Variants in AKNAD1 observed in about 807,000 individuals in gnomAD.
AKNAD1 encodes the protein protein AKNAD1.
A neutral mutation model predicts 90.8 loss-of-function variants in AKNAD1; 67 were observed. The ratio of observed to expected loss-of-function variants is 0.74; its 90% CI spans 0.61 to 0.90. The LOEUF is 0.90. AKNAD1 is among the 40% of genes least tolerant of loss of function. The pLI is 0.00. For missense variants in AKNAD1, 957 were observed against 975.4 expected, an observed-to-expected ratio of 0.98 and a Z score of 0.25; for synonymous variants, 327 against 341.4, an observed-to-expected ratio of 0.96 and a Z score of 0.46.
intron 9 of AKNAD1, 92 bp from the exon 10 acceptor site, chr1:108,830,742 G>A (rs982576762): frequency 3.3e-5 from 42 of 1,258,382 alleles, no homozygotes; most frequent in African/African-American, 1.6e-4. Flanking sequence ...GCTGAGGTCC[G>A]GCTGAACTTG....
At chr1:108,816,387 A>T in intron 15 of AKNAD1, 85 bp from the exon 16 acceptor site, 1 of 1,429,688 alleles carries the variant, frequency 7.0e-7, no homozygotes, top group Non-Finnish European at 9.4e-7. Context: ...TAAACATTAC[A>T]AGGTGGAATT....
intron 10 of AKNAD1, among the ~76,000 whole-genome samples, chr1:108,828,087 AAAACAAACAAAC>A (rs71069603): frequency 0.013 from 1,891 of 148,898 alleles, 31 homozygotes; most frequent in South Asian, 0.033. Context: ...CCTCATCTCA[AAAACAAACAAAC>A]AAACAAACAA....
chr1:108,849,629 C>T (rs1664794008), intron 2 of AKNAD1, 53 bp from the exon 3 acceptor site: 1 of 1,283,056 alleles, frequency 7.8e-7, no homozygotes, highest in Non-Finnish European at 1.1e-6. Flanking sequence ...TCAATGACAC[C>T]ACCGTTCAGA....
chr1:108,817,375 A>G, intron 14 of AKNAD1, 198 bp from the exon 15 acceptor site: 1 of 475,902 alleles, frequency 2.1e-6, no homozygotes, highest in East Asian at 3.5e-5. Context: ...TGCCATGACC[A>G]TGCGGGTGTT....
intron 6 of AKNAD1, among the ~76,000 whole-genome samples, chr1:108,839,471 T>TA (rs3044857): frequency 3.1e-4 from 39 of 126,076 alleles, no homozygotes; most frequent in African/African-American, 5.1e-4. Flanking sequence ...TCCGTCTCAA[T>TA]AAAAAAAAAA....
At chr1:108,822,425 T>C (rs1663846430) in intron 13 of AKNAD1, among the ~76,000 whole-genome samples, 1 of 152,236 alleles carries the variant, frequency 6.6e-6, no homozygotes, top group Non-Finnish European at 1.5e-5. Context: ...TCACAGGCTG[T>C]AGACCTCAAA....
chr1:108,825,021 G>A (rs1379498145), intron 11 of AKNAD1, among the ~76,000 whole-genome samples: 1 of 151,626 alleles, frequency 6.6e-6, no homozygotes, highest in Non-Finnish European at 1.5e-5. Flanking sequence ...CTTGCTCTGG[G>A]GGAAGCTGGC....
At chr1:108,840,544 A>T (rs946951612) in intron 6 of AKNAD1, among the ~76,000 whole-genome samples, 2 of 152,232 alleles carry the variant, frequency 1.3e-5, no homozygotes, top group African/African-American at 4.8e-5. Context: ...TATTAGTAAC[A>T]TGAGTGTATA....
chr1:108,840,999 C>T (rs975597451), intron 6 of AKNAD1, among the ~76,000 whole-genome samples: 2 of 151,918 alleles, frequency 1.3e-5, no homozygotes, highest in Non-Finnish European at 2.9e-5. Context: ...GGTGAAACCC[C>T]GTCTTTACTA....
chr1:108,818,756 A>G (rs528098320), intron 14 of AKNAD1, among the ~76,000 whole-genome samples: 1 of 152,102 alleles, frequency 6.6e-6, no homozygotes, highest in South Asian at 2.1e-4. Context: ...TGAGGTCAAG[A>G]GTTGGAGCCC....
intron 9 of AKNAD1, among the ~76,000 whole-genome samples, chr1:108,833,997 C>A (rs1261734234): frequency 6.6e-6 from 1 of 152,036 alleles, no homozygotes; most frequent in African/African-American, 2.4e-5. Context: ...AATATAATAT[C>A]ATTTAAGACC....
chr1:108,842,868 A>G (rs1458393497), intron 6 of AKNAD1, among the ~76,000 whole-genome samples: 2 of 152,072 alleles, frequency 1.3e-5, no homozygotes, highest in Admixed American at 1.3e-4. Context: ...ACAAATTGCA[A>G]AATTTTGGTA....
chr1:108,824,132 C>A (rs985753742), intron 11 of AKNAD1, among the ~76,000 whole-genome samples: 1 of 152,228 alleles, frequency 6.6e-6, no homozygotes, highest in African/African-American at 2.4e-5. Context: ...TTCTATGTGA[C>A]ATTCATAAGC....
chr1:108,824,812 G>A (rs1342735945), intron 11 of AKNAD1, among the ~76,000 whole-genome samples: 1 of 151,452 alleles, frequency 6.6e-6, no homozygotes, highest in Non-Finnish European at 1.5e-5. Flanking sequence ...CCAAAGTGCT[G>A]GGATTACAGA....
chr1:108,834,885 T>C, intron 8 of AKNAD1, 44 bp downstream of exon 8: 1 of 1,499,636 alleles, frequency 6.7e-7, no homozygotes, highest in Non-Finnish European at 8.8e-7. Flanking sequence ...AAGGGGCCTC[T>C]TTCTGTGTCC....
intron 3 of AKNAD1, 130 bp downstream of exon 3, chr1:108,849,407 A>T (rs1458931774): frequency 3.1e-6 from 2 of 637,726 alleles, no homozygotes; most frequent in East Asian, 5.6e-5. Flanking sequence ...TGAGCCCCAG[A>T]GGTCAAGGCT....
chr1:108,856,190 A>G (rs1665032681), intron 1 of AKNAD1, among the ~76,000 whole-genome samples: 2 of 152,048 alleles, frequency 1.3e-5, no homozygotes, highest in South Asian at 4.1e-4. Flanking sequence ...AGAATGGAAG[A>G]AGAAGAAAAC....
chr1:108,832,519 C>T (rs1055461182), intron 9 of AKNAD1, among the ~76,000 whole-genome samples: 1 of 152,190 alleles, frequency 6.6e-6, no homozygotes, highest in Non-Finnish European at 1.5e-5. Flanking sequence ...GCCACTGCAC[C>T]CGGCCAGTAT....
intron 14 of AKNAD1, among the ~76,000 whole-genome samples, chr1:108,819,869 C>G (rs1663755801): frequency 6.9e-6 from 1 of 144,584 alleles, no homozygotes; most frequent in South Asian, 2.2e-4. Context: ...GCACTCCATC[C>G]TGGGTGACAG....
Sources: gnomAD v4.1 joint callset for allele counts (sites outside exome capture counted in the v4.1 genomes callset) on GRCh38, gnomAD v4.1.1 for gene constraint, MANE v1.5 for transcripts, NCBI Gene and HGNC (gene_info 2026-07-23, HGNC 2026-07-21) for gene names.